Variants in SPAG16 observed in about 807,000 individuals in gnomAD.
SPAG16 encodes sperm-associated antigen 16 protein.
A neutral mutation model predicts 80.4 loss-of-function variants in SPAG16; 86 were observed. The observed-to-expected ratio is 1.07, with a 90% CI of 0.90 to 1.28. The LOEUF is 1.28. SPAG16 is among the 50% of genes most tolerant of loss of function. The probability of loss-of-function intolerance (pLI) is 0.00; values close to 1 mark genes in which losing one functional copy is unlikely to be tolerated. For synonymous variants in SPAG16, 294 were observed against 265.9 expected (o/e 1.11, Z -1.03); for missense variants, 870 against 765.3 (o/e 1.14, Z -1.61).
chr2:214,234,162 C>T (rs1326207801), intron 15 of SPAG16, among the ~76,000 whole-genome samples: 1 of 152,060 alleles, frequency 6.6e-6, no homozygotes, highest in East Asian at 1.9e-4. Flanking sequence ...TTCTGCATTA[C>T]CTTACTGAGG....
chr2:214,102,171 T>A (rs930010069), intron 13 of SPAG16, among the ~76,000 whole-genome samples: 1 of 151,472 alleles, frequency 6.6e-6, no homozygotes, highest in African/African-American at 2.4e-5. Context: ...GCTTACTTTT[T>A]CATTCAATAA....
At chr2:214,301,495 AG>A (rs1694552124) in intron 15 of SPAG16, among the ~76,000 whole-genome samples, 1 of 152,090 alleles carries the variant, frequency 6.6e-6, no homozygotes, top group Non-Finnish European at 1.5e-5. Flanking sequence ...AAGAAAGTAA[AG>A]GCATCCAGAC....
chr2:213,374,906 A>G, intron 8 of SPAG16, 104 bp from the exon 9 acceptor site: 2 of 747,846 alleles, frequency 2.7e-6, no homozygotes, highest in Non-Finnish European at 2.2e-6. Flanking sequence ...GAATTTTTTA[A>G]AAATACATGC....
intron 10 of SPAG16, among the ~76,000 whole-genome samples, chr2:213,844,704 A>G (rs1265212710): frequency 6.6e-6 from 1 of 152,178 alleles, no homozygotes; most frequent in Non-Finnish European, 1.5e-5. Flanking sequence ...AATTTTTTTA[A>G]ATTAGTTTTA....
At chr2:213,446,759 A>G (rs964033106) in intron 9 of SPAG16, among the ~76,000 whole-genome samples, 1 of 152,176 alleles carries the variant, frequency 6.6e-6, no homozygotes, top group African/African-American at 2.4e-5. Flanking sequence ...GGAGCTACAG[A>G]TGACTGTTGC....
chr2:213,319,144 T>C (rs1194815701), intron 5 of SPAG16, among the ~76,000 whole-genome samples: 1 of 152,026 alleles, frequency 6.6e-6, no homozygotes, highest in Non-Finnish European at 1.5e-5. Flanking sequence ...TTTTATTTAT[T>C]AATTCATTTT....
intron 13 of SPAG16, among the ~76,000 whole-genome samples, chr2:214,035,117 A>G (rs1229760530): frequency 6.6e-6 from 1 of 151,994 alleles, no homozygotes; most frequent in East Asian, 1.9e-4. Flanking sequence ...TGCAGAGAGG[A>G]GACCGTGGGG....
At chr2:213,317,422 G>A in intron 5 of SPAG16, 66 bp downstream of exon 5, 1 of 1,520,678 alleles carries the variant, frequency 6.6e-7, no homozygotes, top group Non-Finnish European at 8.8e-7. Context: ...GTTGAGTGAA[G>A]CTGATATATG....
At chr2:214,131,142 A>G (rs992272453) in intron 14 of SPAG16, among the ~76,000 whole-genome samples, 1 of 152,096 alleles carries the variant, frequency 6.6e-6, no homozygotes, top group Non-Finnish European at 1.5e-5. Context: ...AAACTAGGCT[A>G]GGTGTGGTAG....
chr2:214,276,763 T>C (rs1170461039), intron 15 of SPAG16, among the ~76,000 whole-genome samples: 3 of 152,142 alleles, frequency 2.0e-5, no homozygotes, highest in East Asian at 3.9e-4. Flanking sequence ...CTGACAATTA[T>C]GTGTCTTGGG....
At chr2:213,457,228 G>T (rs2072074866) in intron 9 of SPAG16, among the ~76,000 whole-genome samples, 1 of 152,002 alleles carries the variant, frequency 6.6e-6, no homozygotes, top group African/African-American at 2.4e-5. Flanking sequence ...TCTGTTGATG[G>T]TTATGCTTTG....
chr2:214,365,979 GTT>G (rs200531261), intron 15 of SPAG16, among the ~76,000 whole-genome samples: 14 of 140,694 alleles, frequency 1.0e-4, no homozygotes, highest in Non-Finnish European at 1.1e-4. Flanking sequence ...TATTTGCCAG[GTT>G]TTTTTTTTTT....
chr2:213,701,439 C>T (rs1044572068), intron 10 of SPAG16, among the ~76,000 whole-genome samples: 3 of 152,116 alleles, frequency 2.0e-5, no homozygotes, highest in East Asian at 1.9e-4. Context: ...TCCTCGGTCT[C>T]GGTGTCCACT....
chr2:213,366,030 T>C (rs2066263440), intron 8 of SPAG16, among the ~76,000 whole-genome samples: 1 of 146,250 alleles, frequency 6.8e-6, no homozygotes, highest in South Asian at 2.2e-4. Context: ...TAGTCCCAGC[T>C]ACTTGGGAGG....
At chr2:213,465,656 G>T (rs562706778) in intron 9 of SPAG16, among the ~76,000 whole-genome samples, 1 of 152,266 alleles carries the variant, frequency 6.6e-6, no homozygotes, top group South Asian at 2.1e-4. Context: ...AGTCCTGCCA[G>T]GTTTTGTGGG....
At chr2:213,370,558 A>G (rs1016405719) in intron 8 of SPAG16, among the ~76,000 whole-genome samples, 1 of 148,202 alleles carries the variant, frequency 6.7e-6, no homozygotes, top group African/African-American at 2.7e-5. Flanking sequence ...AAATGACTAA[A>G]TAGTCTGAAA....
chr2:213,846,153 A>G (rs2074612499), intron 10 of SPAG16, among the ~76,000 whole-genome samples: 1 of 152,194 alleles, frequency 6.6e-6, no homozygotes, highest in African/African-American at 2.4e-5. Flanking sequence ...GTGATTTTTA[A>G]GATTGTTGAA....
intron 10 of SPAG16, among the ~76,000 whole-genome samples, chr2:213,741,571 G>C (rs1005809348): frequency 2.6e-5 from 4 of 152,176 alleles, no homozygotes; most frequent in Non-Finnish European, 2.9e-5. Context: ...ATCAAGTACA[G>C]ATAAAAGAAA....
intron 15 of SPAG16, among the ~76,000 whole-genome samples, chr2:214,400,637 C>T (rs1303124996): frequency 6.6e-6 from 1 of 151,886 alleles, no homozygotes; most frequent in Non-Finnish European, 1.5e-5. Context: ...TGTTTAAAAC[C>T]ATTTTTGGCA....
Sources: gnomAD v4.1 joint callset for allele counts (sites outside exome capture counted in the v4.1 genomes callset) on GRCh38, gnomAD v4.1.1 for gene constraint, MANE v1.5 for transcripts, NCBI Gene and HGNC (gene_info 2026-07-23, HGNC 2026-07-21) for gene names.